TSC22D1: variants seen among roughly 807,000 people sequenced by gnomAD.
The protein encoded by TSC22D1 is TSC22 domain family member 1, also known as TSC22 domain family protein 1.
A neutral mutation model predicts 74.2 loss-of-function variants in TSC22D1; 9 were observed. That is an observed-to-expected ratio of 0.12 (90% confidence interval 0.07 to 0.21). TSC22D1 has a LOEUF of 0.21. TSC22D1 is among the 10% of genes least tolerant of loss of function. The pLI is 1.00. For synonymous variants in TSC22D1, 586 were observed against 492.5 expected, an observed-to-expected ratio of 1.19 and a Z score of -2.51; for missense variants, 1,427 against 1,304.7, an observed-to-expected ratio of 1.09 and a Z score of -1.44.
At chr13:44,530,977 C>T (rs1303783544) in intron 1 of TSC22D1, among the ~76,000 whole-genome samples, 1 of 152,090 alleles carries the variant, frequency 6.6e-6, no homozygotes, top group African/African-American at 2.4e-5. Flanking sequence ...CCATATGATC[C>T]AGCCATCACA....
intron 1 of TSC22D1, among the ~76,000 whole-genome samples, chr13:44,545,340 T>A (rs1007259026): frequency 3.3e-5 from 5 of 151,842 alleles, no homozygotes; most frequent in East Asian, 3.9e-4. Context: ...TCTCAAAAAA[T>A]AAATAAATAA....
At chr13:44,557,641 A>G (rs373937468) in intron 1 of TSC22D1, among the ~76,000 whole-genome samples, 9 of 152,352 alleles carry the variant, frequency 5.9e-5, no homozygotes, top group African/African-American at 1.4e-4. Context: ...TGATGTGAAG[A>G]TAAGTTGTAA....
intron 1 of TSC22D1, among the ~76,000 whole-genome samples, chr13:44,487,556 C>T (rs1265832444): frequency 6.9e-6 from 1 of 145,436 alleles, no homozygotes; most frequent in Non-Finnish European, 1.5e-5. Flanking sequence ...CCAGCCATTC[C>T]TTTTATGAAC....
intron 1 of TSC22D1, chr13:44,538,524 G>A (rs911369930): frequency 1.7e-5 from 17 of 985,182 alleles, no homozygotes; most frequent in Non-Finnish European, 2.0e-5. Flanking sequence ...TGTTTTAAAT[G>A]AAACAGATAC....
intron 1 of TSC22D1, among the ~76,000 whole-genome samples, chr13:44,525,775 ACAT>A (rs1880516775): frequency 6.8e-6 from 1 of 147,604 alleles, no homozygotes; most frequent in African/African-American, 2.5e-5. Context: ...TTTACCCAAT[ACAT>A]CATATCTAGC....
In TSC22D1 at chr13:44,573,860, G is replaced by C. The variant is rs768540522; in HGVS notation, c.2215C>G (p.Pro739Ala). 6 of 1,614,222 alleles carry C rather than the reference G, an allele frequency of 3.7e-6. No individual in the cohort carries two copies. The highest frequency in any genetic ancestry group is 1.6e-4 in the Middle Eastern group (1 of 6,062). ...GTAGAGGGCTGCTGCACTGCAGTAG[G>C]TATGTTTGCTTGCTGACCAATATTT... ...IANIGQQANI[P>A]TAVQQPSTQV... Residue 739 changes from proline to alanine, a missense_variant, in exon 1 of 3, where the codon CCT becomes GCT. Physicochemically the swap from Pro to Ala is conservative, Grantham distance 27. Transcript: ENST00000458659.
At chr13:44,464,416 A>G (rs932235718) in intron 1 of TSC22D1, among the ~76,000 whole-genome samples, 3 of 152,188 alleles carry the variant, frequency 2.0e-5, no homozygotes, top group African/African-American at 7.2e-5. Flanking sequence ...ACAAGTCAGA[A>G]TAGTCACCAT....
In TSC22D1 at chr13:44,573,157, T is replaced by C; in HGVS notation, c.2912+6A>G. 6 of 1,612,996 alleles carry C rather than the reference T, an allele frequency of 3.7e-6. No individual in the cohort carries two copies. The Middle Eastern group carries it at 9.9e-4, about 266-fold the overall frequency. On this transcript the variant is annotated splice_donor_region_variant and intron_variant, in intron 1 of 2. Coordinates refer to ENST00000458659, the MANE Select transcript of TSC22D1 (RefSeq NM_183422.4). ...GAATGTCTCCAGAAATATGACATGA[T>C]CTTACCTCTCATCCTCGCCATCCAC...
At chr13:44,441,489 G>GT (rs1875202277) in intron 1 of TSC22D1, among the ~76,000 whole-genome samples, 2 of 152,072 alleles carry the variant, frequency 1.3e-5, no homozygotes, top group South Asian at 4.1e-4. Context: ...TATTGAGAAG[G>GT]TAACAGGAAG....
intron 1 of TSC22D1, among the ~76,000 whole-genome samples, chr13:44,554,598 T>C (rs973759215): frequency 4.5e-4 from 65 of 142,878 alleles, no homozygotes; most frequent in African/African-American, 1.6e-3. Context: ...ATGAGTATTT[T>C]TGAAGTAAAT....
At chr13:44,522,377 CATTTT>C in intron 1 of TSC22D1, among the ~76,000 whole-genome samples, 1 of 152,152 alleles carries the variant, frequency 6.6e-6, no homozygotes, top group Non-Finnish European at 1.5e-5. Flanking sequence ...ACAGAAAAGG[CATTTT>C]ATTTATGCCT....
chr13:44,573,951 T>C lies in TSC22D1; in HGVS notation c.2124A>G (p.Ala708=), dbSNP rs746491697. 1.9e-6 allele frequency: 3 copies of C among 1,614,144 alleles called. No homozygotes were observed. The highest frequency in any genetic ancestry group is 2.5e-6 in the Non-Finnish European group (3 of 1,180,036). Residue 708 remains alanine, a synonymous_variant, in exon 1 of 3, where the codon GCA becomes GCG. Transcript: ENST00000458659. Reference sequence around the variant, plus strand: ...GAGCCTGGCCAACAGGCTGGACAGATGCCCCTGCAGGTTGTGCTGGGACTG... The same window carrying C: ...GAGCCTGGCCAACAGGCTGGACAGACGCCCCTGCAGGTTGTGCTGGGACTG... The part of the protein sequence containing the change: ...PTAVPAQPAG[A]SVQPVGQAPA...
intron 1 of TSC22D1, among the ~76,000 whole-genome samples, chr13:44,509,302 A>G (rs895553618): frequency 2.6e-5 from 4 of 152,228 alleles, no homozygotes; most frequent in African/African-American, 9.7e-5. Context: ...TGATGGTTGC[A>G]CAACAATGTG....
chr13:44,564,520 G>C (rs746817368), intron 1 of TSC22D1, among the ~76,000 whole-genome samples: 31 of 152,126 alleles, frequency 2.0e-4, no homozygotes, highest in Non-Finnish European at 4.3e-4. Context: ...TAAAATAACA[G>C]CATGTGCAAA....
intron 1 of TSC22D1, among the ~76,000 whole-genome samples, chr13:44,543,757 T>C (rs1232681362): frequency 2.0e-5 from 3 of 152,142 alleles, no homozygotes; most frequent in African/African-American, 7.2e-5. Context: ...CACTAAAAAG[T>C]TCAACTTTCT....
intron 1 of TSC22D1, among the ~76,000 whole-genome samples, chr13:44,475,274 T>C (rs1877844695): frequency 6.6e-6 from 1 of 152,126 alleles, no homozygotes; most frequent in Non-Finnish European, 1.5e-5. Flanking sequence ...AAAGTAGTTT[T>C]AAATTATAAG....
chr13:44,437,364 C>A, intron 1 of TSC22D1: 1 of 589,382 alleles, frequency 1.7e-6, no homozygotes, highest in Non-Finnish European at 2.1e-6. Flanking sequence ...ATTTTATAGA[C>A]GGTTTTATTT....
At chr13:44,441,168 G>A (rs776788003) in intron 1 of TSC22D1, among the ~76,000 whole-genome samples, 7 of 152,212 alleles carry the variant, frequency 4.6e-5, no homozygotes, top group Admixed American at 6.5e-5. Flanking sequence ...ATCTCAGGGG[G>A]ACTGCTGCTG....
intron 1 of TSC22D1, among the ~76,000 whole-genome samples, chr13:44,542,974 C>A (rs1476871027): frequency 6.6e-6 from 1 of 152,036 alleles, no homozygotes; most frequent in Non-Finnish European, 1.5e-5. Context: ...ATTTCAACCA[C>A]TAGAGAAAAA....
Sources: gnomAD v4.1 joint callset for allele counts (sites outside exome capture counted in the v4.1 genomes callset) on GRCh38, gnomAD v4.1.1 for gene constraint, MANE v1.5 for transcripts, NCBI Gene and HGNC (gene_info 2026-07-23, HGNC 2026-07-21) for gene names.